Variants in ESRP2 observed in about 807,000 individuals in gnomAD.
ESRP2 encodes epithelial splicing regulatory protein 2, also known as RNA binding motif protein 35A.
Under a neutral mutation model 78.6 loss-of-function variants are expected in ESRP2, and 48 were observed. The ratio of observed to expected loss-of-function variants is 0.61; its 90% CI spans 0.48 to 0.78. ESRP2 has a LOEUF of 0.78. ESRP2 is among the 30% of genes least tolerant of loss of function. ESRP2 has a pLI of 0.00. For missense variants in ESRP2, 863 were observed against 965.9 expected, an observed-to-expected ratio of 0.89 and a Z score of 1.41; for synonymous variants, 383 against 406.7, an observed-to-expected ratio of 0.94 and a Z score of 0.70.
At position 68,235,061 on chromosome 16, in the gene ESRP2, A is replaced by G. The variant is rs955710322; in HGVS notation, c.327+573T>C. 3.2e-6 allele frequency: 3 copies of G among 939,296 alleles called. No homozygotes were observed. The highest frequency in any genetic ancestry group is 6.1e-5 in the Admixed American group (1 of 16,328). The allele number at this position is 939,296 out of a possible 1,614,324, so 58.2% of individuals were successfully genotyped here. A position where few individuals can be genotyped will look rare whatever the true frequency, so the allele number is the denominator to read the frequency against. ...TCCCACTTCAGCTAGGGCAGGAGGC[A>G]CCCCAGGCCTTTGCACTCAGCAGGC... On this transcript the variant is annotated intron_variant, in intron 2 of 14. Transcript: ENST00000473183. This position sits in a 1 kb window ranked among gnomAD's most constrained non-coding sequence, Gnocchi z 5.5.
Position 68,235,139 on chromosome 16 carries a change from G to A in ESRP2, c.327+495C>T, listed in dbSNP as rs922106004. ...AGCGCCCACGCCTGGCCAGCCGGCC[G>A]GGACAGGCCTAGACGAGCAGTTTAC... is the stretch of plus-strand genomic sequence containing the variant. On this transcript the variant is annotated intron_variant, in intron 2 of 14. Transcript: ENST00000473183. This position sits in a 1 kb window ranked among gnomAD's most constrained non-coding sequence, Gnocchi z 5.5. 4.0e-6 allele frequency: 4 copies of A among 991,262 alleles called. No individual in the cohort carries two copies. Among genetic ancestry groups the A allele is most frequent in the South Asian group, 9.1e-5 (2 of 22,014 alleles). 61.4% of individuals were successfully genotyped at this position (991,262 alleles called of 1,614,324 possible). A position where few individuals can be genotyped will look rare whatever the true frequency, so the allele number is the denominator to read the frequency against.
rs2042124268 is a variant in ESRP2 at position 68,230,843 on chromosome 16, T to G, written c.1896A>C (p.Pro632=). 1 of 1,613,714 alleles carries G rather than the reference T, an allele frequency of 6.2e-7. No individual in the cohort carries two copies. Residue 632 remains proline (P), a splice_region_variant and synonymous_variant, in exon 13 of 15, where the codon CCA becomes CCC. Transcript: ENST00000473183. Reference sequence around the variant, plus strand: ...ATATTCTCTTAGCTGCAGGGTACCTTGGGTAGTAGGCTGTGTAGTTCAGGT... The same window carrying G: ...ATATTCTCTTAGCTGCAGGGTACCTGGGGTAGTAGGCTGTGTAGTTCAGGT... The part of the protein sequence containing the change: ...QLYLNYTAYY[P]SPPVSPTTVG...
chr16:68,230,780 T>C, intron 13 of ESRP2, 61 bp downstream of exon 13: 1 of 1,597,968 alleles, frequency 6.3e-7, no homozygotes, highest in Non-Finnish European at 8.6e-7. Flanking sequence ...AAGGGGATCG[T>C]GACCTTTCCC....
At position 68,234,118 on chromosome 16, in the gene ESRP2, G is replaced by A. The variant is rs759478406; in HGVS notation, c.328-11C>T. The A allele has an allele frequency of 7.5e-6, 12 of 1,591,244 alleles. No homozygotes were observed. In the East Asian group the frequency reaches 1.8e-4, roughly 24 times the overall value. On this transcript the variant is annotated splice_polypyrimidine_tract_variant and intron_variant, in intron 2 of 14. Coordinates refer to ENST00000473183, the MANE Select transcript of ESRP2 (RefSeq NM_024939.3). ...CACCAGCTGTGAGAACTGGGGATAG[G>A]GAATGGGGAGAGAGAAACACACAGA...
At chr16:68,233,925 C>T (rs1242125802) in intron 3 of ESRP2, 43 bp from the exon 4 acceptor site, 2 of 1,605,596 alleles carry the variant, frequency 1.2e-6, no homozygotes, top group Non-Finnish European at 8.5e-7. Flanking sequence ...TGCCCACCCT[C>T]AGGACAAGAG....
chr16:68,232,344 T>A lies in ESRP2; in HGVS notation c.954+27A>T, dbSNP rs770467815. 2 of 1,614,168 alleles carry A rather than the reference T, an allele frequency of 1.2e-6. No homozygotes were observed. The highest frequency in any genetic ancestry group is 2.2e-5 in the South Asian group (2 of 91,072). On this transcript the variant is annotated intron_variant, in intron 8 of 14. Transcript: ENST00000473183. This position sits in a 1 kb window ranked among gnomAD's most constrained non-coding sequence, Gnocchi z 5.2. ...TCTCAGGCCTGACTCAGATTGGCCC[T>A]GCTCCGCTCCCAGCCCAAAGCCCCA...
In ESRP2 at chr16:68,234,045, A is replaced by C. The variant is rs1168928259; in HGVS notation, c.390T>G (p.Thr130=). The part of the protein sequence containing the change: ...LLGGGPYMLC[T]DGQQLLRQVL... ...CCTGTCGCAATAGCTGCTGCCCATCAGTGCAGAGCATGTAGGGGCCCCCGC... is the reference window on the plus strand; with the variant it reads ...CCTGTCGCAATAGCTGCTGCCCATCCGTGCAGAGCATGTAGGGGCCCCCGC... Residue 130 remains threonine, a synonymous_variant, in exon 3 of 15, where the codon ACT becomes ACG. Coordinates refer to ENST00000473183, the MANE Select transcript of ESRP2 (RefSeq NM_024939.3). 12 of 1,613,920 alleles carry C rather than the reference A, an allele frequency of 7.4e-6. No homozygotes were observed. The Middle Eastern group carries it at 6.6e-4, about 88-fold the overall frequency.
Position 68,231,366 on chromosome 16 carries a change from G to C in ESRP2, c.1523C>G (p.Ser508Trp). Reference sequence around the variant, plus strand: ...TGTCATCTGAATGAAGGCATCGCCCGATGGCCGGCCCTGTGCACACCATCT... The same window carrying C: ...TGTCATCTGAATGAAGGCATCGCCCCATGGCCGGCCCTGTGCACACCATCT... ...HMVLNQQGRP[S>W]GDAFIQMTSA... The change falls in exon 12 of 15, where the codon TCG becomes TGG. Residue 508 changes from serine (S) to tryptophan (W), a missense_variant. Coordinates refer to ENST00000473183, the MANE Select transcript of ESRP2 (RefSeq NM_024939.3). This position sits in a 1 kb window ranked among gnomAD's most constrained non-coding sequence, Gnocchi z 6.0. 6.2e-7 allele frequency: 1 copy of C among 1,614,102 alleles called. No homozygotes were observed. The highest frequency in any genetic ancestry group is 8.5e-7 in the Non-Finnish European group (1 of 1,180,000).
In ESRP2 at chr16:68,231,281, G is replaced by T. The variant is rs185112195; in HGVS notation, c.1608C>A (p.Arg536=). The part of the protein sequence containing the change: ...QRCHKKVMKE[R]YVEVVPCSTE... ...TGGAACAGGGGACCACCTCCACGTAGCGCTCCTTCATCACCTTCTTATGGC... is the reference window on the plus strand; with the variant it reads ...TGGAACAGGGGACCACCTCCACGTATCGCTCCTTCATCACCTTCTTATGGC... Residue 536 remains arginine (R), a synonymous_variant, in exon 12 of 15, where the codon CGC becomes CGA. Transcript: ENST00000473183. The surrounding 1 kb of genome is among the most constrained non-coding windows in gnomAD (Gnocchi z 6.0). 1 of 1,614,118 alleles carries T rather than the reference G, an allele frequency of 6.2e-7. No homozygotes were observed. Among genetic ancestry groups the T allele is most frequent in the Non-Finnish European group, 8.5e-7 (1 of 1,180,014 alleles).
rs146163286 is a variant in ESRP2 at position 68,232,254 on chromosome 16, A to G, written c.989T>C (p.Ile330Thr). 12 of 1,613,952 alleles carry G rather than the reference A, an allele frequency of 7.4e-6. No individual in the cohort carries two copies. In the African/African-American group the frequency reaches 1.1e-4, roughly 14 times the overall value. The change falls in exon 9 of 15, where the codon ATT becomes ACT. Residue 330 changes from isoleucine (I) to threonine (T), a missense_variant. Physicochemically the swap from Ile to Thr is moderately conservative, Grantham distance 89. Coordinates refer to ENST00000473183, the MANE Select transcript of ESRP2 (RefSeq NM_024939.3). This position sits in a 1 kb window ranked among gnomAD's most constrained non-coding sequence, Gnocchi z 5.2. ...YKATGEEFVK[I>T]AGGTSLEVAR... ...GTTTGCAGTATACTCACCCCCTGCA[A>G]TCTTTACAAACTCCTCCCCTGTCGC...
At chr16:68,234,248 C>A in intron 2 of ESRP2, 141 bp from the exon 3 acceptor site, 1 of 651,072 alleles carries the variant, frequency 1.5e-6, no homozygotes, top group Non-Finnish European at 2.6e-6. Flanking sequence ...TAAGAGGCCA[C>A]GCCTGTTGAG....
chr16:68,232,553 G>T lies in ESRP2; in HGVS notation c.821+24C>A. ...CTCCTGGGTAGGCCTGTCCAATTGG[G>T]CCCACCCACCCTGCCACACCCACCT... On this transcript the variant is annotated intron_variant, in intron 7 of 14. Transcript: ENST00000473183. This position sits in a 1 kb window ranked among gnomAD's most constrained non-coding sequence, Gnocchi z 5.2. The T allele has an allele frequency of 6.2e-7, 1 of 1,613,764 alleles. No homozygotes were observed. The highest frequency in any genetic ancestry group is 8.5e-7 in the Non-Finnish European group (1 of 1,179,962).
At chr16:68,234,221 C>T (rs2042190304) in intron 2 of ESRP2, 114 bp from the exon 3 acceptor site, 1 of 769,686 alleles carries the variant, frequency 1.3e-6, no homozygotes, top group South Asian at 1.7e-5. Flanking sequence ...GATGTTCAGC[C>T]CTATCCTGCC....
chr16:68,233,422 A>C lies in ESRP2; in HGVS notation c.560T>G (p.Leu187Ter). The change falls in exon 5 of 15, where the codon TTA (leucine) becomes TGA (stop). Residue 187 changes from leucine (L) to a stop codon, truncating the protein, a stop_gained. Transcript: ENST00000473183. LOFTEE classifies it high-confidence loss of function. ...CTCTGTGGCATCTGTCTCCAGTCCT[A>C]AACCTATGGGCAGAGAAGTGACAGT... Reference protein sequence around the residue: ...DLTVATMAQGLGLETDATEDD... With the variant: ...DLTVATMAQG 1 of 1,612,262 alleles carries C rather than the reference A, an allele frequency of 6.2e-7. No individual in the cohort carries two copies.
At position 68,230,880 on chromosome 16, in the gene ESRP2, G is replaced by T; in HGVS notation, c.1859C>A (p.Ala620Asp). 2 of 1,614,030 alleles carry T rather than the reference G, an allele frequency of 1.2e-6. No individual in the cohort carries two copies. The highest frequency in any genetic ancestry group is 2.2e-5 in the South Asian group (2 of 91,082). ...TGTGTAGTTCAGGTAGAGTTGAGTG[G>T]CTGGCCCTGGATAGTAGGCAACAGG... The part of the protein sequence containing the change: ...PTPVAYYPGP[A>D]TQLYLNYTAY... The change falls in exon 13 of 15, where the codon GCC (alanine) becomes GAC (aspartate). Residue 620 changes from alanine to aspartate, a missense_variant. Coordinates refer to ENST00000473183, the MANE Select transcript of ESRP2 (RefSeq NM_024939.3).
Position 68,232,859 on chromosome 16 carries a change from G to A in ESRP2, c.656-44C>T. On this transcript the variant is annotated intron_variant, in intron 5 of 14. Transcript: ENST00000473183. The surrounding 1 kb of genome is among the most constrained non-coding windows in gnomAD (Gnocchi z 5.2). ...GGGGTCAGCAGGGTCTGGTGGAGAG[G>A]GGTGTCCCCACCAAGTTCTGCAAAA... 6.2e-7 allele frequency: 1 copy of A among 1,613,156 alleles called. No homozygotes were observed. The highest frequency in any genetic ancestry group is 1.1e-5 in the South Asian group (1 of 91,068).
chr16:68,232,522 T>TCCAC lies in ESRP2; in HGVS notation c.822-20_822-19insGTGG. On this transcript the variant is annotated intron_variant, in intron 7 of 14. Coordinates refer to ENST00000473183, the MANE Select transcript of ESRP2 (RefSeq NM_024939.3). The surrounding 1 kb of genome is among the most constrained non-coding windows in gnomAD (Gnocchi z 5.2). ...ACCACCCCTGTGGAGCCAGTGCTGT[T>TCCAC]AGTGCCTCCTGGGTAGGCCTGTCCA... The TCCAC allele has an allele frequency of 6.2e-7, 1 of 1,614,104 alleles. No individual in the cohort carries two copies.
In ESRP2 at chr16:68,230,375, C is replaced by A; in HGVS notation, c.2064+14G>T. On this transcript the variant is annotated intron_variant, in intron 14 of 14. Coordinates refer to ENST00000473183, the MANE Select transcript of ESRP2 (RefSeq NM_024939.3). ...CAGCCAGACCCGCCAGGCCCTCCGG[C>A]CACACAATCTCACCTGGTAGGCCTG... is the stretch of plus-strand genomic sequence containing the variant. 6.2e-7 allele frequency: 1 copy of A among 1,614,050 alleles called. No homozygotes were observed. The highest frequency in any genetic ancestry group is 8.5e-7 in the Non-Finnish European group (1 of 1,179,924).
In ESRP2 at chr16:68,232,835, G is replaced by A. The variant is rs769948176; in HGVS notation, c.656-20C>T. ...ATTGACCTGAGAAAAGATGGCCTGG[G>A]GGTCAGCAGGGTCTGGTGGAGAGGG... On this transcript the variant is annotated intron_variant, in intron 5 of 14. Coordinates refer to ENST00000473183, the MANE Select transcript of ESRP2 (RefSeq NM_024939.3). This position sits in a 1 kb window ranked among gnomAD's most constrained non-coding sequence, Gnocchi z 5.2. The A allele has an allele frequency of 1.9e-6, 3 of 1,614,048 alleles. No homozygotes were observed. The African/African-American group carries it at 4.0e-5, about 22-fold the overall frequency.
Sources: allele counts gnomAD v4.1 joint callset, GRCh38; gene constraint gnomAD v4.1.1; non-coding constraint Gnocchi (gnomAD v3.1); transcripts MANE v1.5; gene names NCBI Gene and HGNC (gene_info 2026-07-23, HGNC 2026-07-21).